The following ITGA9 variants were observed in gnomAD, a reference collection of about 807,000 sequenced individuals.
The protein encoded by ITGA9 is integrin alpha-9.
A neutral mutation model predicts 127.8 loss-of-function variants in ITGA9; 56 were observed. That is an observed-to-expected ratio of 0.44 (90% CI 0.35 to 0.55). The LOEUF is 0.55. Ranked by LOEUF, ITGA9 falls within the 20% of genes least tolerant of loss-of-function variation. The probability of loss-of-function intolerance (pLI) is 0.00; values close to 1 mark genes in which losing one functional copy is unlikely to be tolerated. For missense variants in ITGA9, 1,196 were observed against 1,347.1 expected (o/e 0.89, Z 1.76); for synonymous variants, 508 against 514.5 (o/e 0.99, Z 0.17).
At chr3:37,479,354 TG>T (rs1698528013) in intron 3 of ITGA9, among the ~76,000 whole-genome samples, 1 of 152,122 alleles carries the variant, frequency 6.6e-6, no homozygotes, top group Admixed American at 6.5e-5. Context: ...AACAATAGAT[TG>T]TTTTCTGTAG....
intron 23 of ITGA9, among the ~76,000 whole-genome samples, chr3:37,763,529 G>T (rs549903973): frequency 6.6e-6 from 1 of 152,322 alleles, no homozygotes; most frequent in South Asian, 2.1e-4. Context: ...CACTCTGGGG[G>T]AGTTTTCTGC....
chr3:37,669,416 C>T (rs999456456), intron 17 of ITGA9, among the ~76,000 whole-genome samples: 6 of 152,240 alleles, frequency 3.9e-5, no homozygotes. Flanking sequence ...TCCACTCCTG[C>T]CCTGTCCCTG....
chr3:37,736,808 A>G (rs546982495), intron 19 of ITGA9, 96 bp from the exon 20 acceptor site: 6 of 829,158 alleles, frequency 7.2e-6, no homozygotes, highest in Admixed American at 3.7e-5. Context: ...TATCATGCAA[A>G]TGAGCTTCCA....
intron 22 of ITGA9, among the ~76,000 whole-genome samples, chr3:37,749,959 A>G (rs1696560816): frequency 6.6e-6 from 1 of 152,152 alleles, no homozygotes; most frequent in Admixed American, 6.5e-5. Flanking sequence ...CAGCAGCAGC[A>G]TCTCCTGGGA....
At chr3:37,492,729 C>G (rs1698685712) in intron 4 of ITGA9, among the ~76,000 whole-genome samples, 2 of 152,098 alleles carry the variant, frequency 1.3e-5, no homozygotes, top group Admixed American at 6.5e-5. Flanking sequence ...GTCTGAATTT[C>G]CTTTTTATGT....
chr3:37,565,644 A>G (rs150430765), intron 15 of ITGA9, among the ~76,000 whole-genome samples: 109 of 152,344 alleles, frequency 7.2e-4, no homozygotes, highest in African/African-American at 2.5e-3. Flanking sequence ...ATGAAAATGT[A>G]CTTAATGCCA....
At chr3:37,666,500 C>T (rs1700587800) in intron 17 of ITGA9, among the ~76,000 whole-genome samples, 1 of 152,148 alleles carries the variant, frequency 6.6e-6, no homozygotes, top group South Asian at 2.1e-4. Context: ...CATCTGCAGG[C>T]AACCTCGGGT....
intron 15 of ITGA9, among the ~76,000 whole-genome samples, chr3:37,617,369 G>A (rs565799976): frequency 3.1e-4 from 47 of 152,282 alleles, no homozygotes; most frequent in Non-Finnish European, 5.6e-4. Flanking sequence ...TGGGTAACCC[G>A]ACCTTTCTCT....
intron 4 of ITGA9, among the ~76,000 whole-genome samples, chr3:37,487,176 A>C (rs986875423): frequency 1.3e-5 from 2 of 152,226 alleles, no homozygotes; most frequent in African/African-American, 4.8e-5. Flanking sequence ...TTATTAAATA[A>C]AGACCTCTAC....
chr3:37,570,721 A>C (rs983159975), intron 15 of ITGA9, among the ~76,000 whole-genome samples: 3 of 152,198 alleles, frequency 2.0e-5, no homozygotes, highest in Non-Finnish European at 1.5e-5. Flanking sequence ...TAACTGCAGA[A>C]GGGAAATAAT....
At chr3:37,548,362 T>G (rs1243494792) in intron 15 of ITGA9, among the ~76,000 whole-genome samples, 2 of 152,206 alleles carry the variant, frequency 1.3e-5, no homozygotes, top group Admixed American at 1.3e-4. Context: ...GATGAACATA[T>G]TCTAAGATCG....
rs1226966554 is a variant in ITGA9, at chr3:37,799,182, A to T, written c.2890-4641A>T. Among the ~76,000 whole-genome samples, 1 of 151,858 alleles carries T rather than the reference A, an allele frequency of 6.6e-6. No individual in the cohort carries two copies. The highest frequency in any genetic ancestry group is 2.4e-5 in the African/African-American group (1 of 41,404). On this transcript the variant is annotated intron_variant, in intron 26 of 27. Transcript: ENST00000264741. The surrounding 1 kb of genome is among the most constrained non-coding windows in gnomAD (Gnocchi z 4.0). ...ATGAACATTTTTATTTTATTTTTTAATTTTTTATTTTTTTAAGACAGAGTC... is the reference window on the plus strand; with the variant it reads ...ATGAACATTTTTATTTTATTTTTTATTTTTTTATTTTTTTAAGACAGAGTC...
At chr3:37,522,141 T>A (rs192938842) in intron 11 of ITGA9, among the ~76,000 whole-genome samples, 14 of 152,198 alleles carry the variant, frequency 9.2e-5, no homozygotes, top group Admixed American at 8.5e-4. Flanking sequence ...AGTGAGCCCC[T>A]AGATAGCTGT....
At chr3:37,658,508 C>T (rs1453976570) in intron 17 of ITGA9, among the ~76,000 whole-genome samples, 1 of 151,970 alleles carries the variant, frequency 6.6e-6, no homozygotes, top group Non-Finnish European at 1.5e-5. Flanking sequence ...GGATTGCAAC[C>T]CCTACTCTCT....
At chr3:37,496,271 C>T (rs576836381) in intron 5 of ITGA9, among the ~76,000 whole-genome samples, 7 of 152,266 alleles carry the variant, frequency 4.6e-5, no homozygotes, top group Admixed American at 3.3e-4. Flanking sequence ...ACCCCCATTC[C>T]GCACCCTCAG....
chr3:37,728,917 T>C (rs1211443421), intron 18 of ITGA9, among the ~76,000 whole-genome samples: 1 of 152,070 alleles, frequency 6.6e-6, no homozygotes, highest in Non-Finnish European at 1.5e-5. Flanking sequence ...AGCTGGAGTC[T>C]GCTTCACCCA....
At position 37,823,173 on chromosome 3, in the gene ITGA9, A is replaced by T. The variant is rs1470986981; in HGVS notation, c.*4184A>T. On this transcript the variant is annotated 3_prime_UTR_variant, in exon 28 of 28. Coordinates refer to ENST00000264741, the MANE Select transcript of ITGA9 (RefSeq NM_002207.3). ...ACATCGTGCAATGCTTTATAGCACA[A>T]TGATCTAGATTTCAGACTGTGTTAA... 4 of 152,220 alleles carry T rather than the reference A, an allele frequency of 2.6e-5. No homozygotes were observed. The highest frequency in any genetic ancestry group is 5.9e-5 in the Non-Finnish European group (4 of 68,038). The allele number at this position is 152,220 out of a possible 1,614,324, so 9.4% of individuals were successfully genotyped here.
At position 37,629,359 on chromosome 3, in the gene ITGA9, T is replaced by A; in HGVS notation, c.1839+23T>A. The A allele has an allele frequency of 6.2e-7, 1 of 1,613,296 alleles. No individual in the cohort carries two copies. The highest frequency in any genetic ancestry group is 1.3e-5 in the African/African-American group (1 of 75,012). On this transcript the variant is annotated intron_variant, in intron 16 of 27. Coordinates refer to ENST00000264741, the MANE Select transcript of ITGA9 (RefSeq NM_002207.3). The surrounding 1 kb of genome is among the most constrained non-coding windows in gnomAD (Gnocchi z 4.5). ...CAGGTCAGAACCTTAAAGCTCATAC[T>A]CAGCACCCAAGGTGGCAGCTGCACA...
At chr3:37,559,278 A>G (rs903382425) in intron 15 of ITGA9, among the ~76,000 whole-genome samples, 3 of 151,002 alleles carry the variant, frequency 2.0e-5, no homozygotes, top group African/African-American at 7.3e-5. Flanking sequence ...ATGTGAGCAC[A>G]CACACACACA....
Sources: gnomAD v4.1 joint callset for allele counts (sites outside exome capture counted in the v4.1 genomes callset) on GRCh38, gnomAD v4.1.1 for gene constraint, Gnocchi (gnomAD v3.1) non-coding constraint, MANE v1.5 for transcripts, NCBI Gene and HGNC (gene_info 2026-07-23, HGNC 2026-07-21) for gene names.